ARL13B: variants seen among roughly 807,000 people sequenced by gnomAD.
ARL13B encodes the protein ARF like GTPase 13B.
A neutral mutation model predicts 56.1 loss-of-function variants in ARL13B; 36 were observed. That is an observed-to-expected ratio of 0.64 (90% confidence interval 0.49 to 0.85). The LOEUF is 0.85. Ranked by LOEUF, ARL13B falls within the 40% of genes least tolerant of loss-of-function variation. ARL13B has a pLI of 0.00. For missense variants in ARL13B, 519 were observed against 507.1 expected, an observed-to-expected ratio of 1.02 and a Z score of -0.23; for synonymous variants, 178 against 171.1, an observed-to-expected ratio of 1.04 and a Z score of -0.32.
chr3:94,029,330 A>ATATT (rs2076623714), intron 3 of ARL13B, among the ~76,000 whole-genome samples: 2 of 71,222 alleles, frequency 2.8e-5, no homozygotes, highest in Non-Finnish European at 5.4e-5. Context: ...ATATATATAT[A>ATATT]TATATTTATT....
At chr3:93,992,345 G>C (rs766186851) in intron 1 of ARL13B, among the ~76,000 whole-genome samples, 2 of 152,044 alleles carry the variant, frequency 1.3e-5, no homozygotes, top group Admixed American at 6.6e-5. Flanking sequence ...AGGAACTGCC[G>C]ACTCAGTTGA....
chr3:94,016,304 A>T (rs1206942019), intron 3 of ARL13B, among the ~76,000 whole-genome samples: 1 of 152,072 alleles, frequency 6.6e-6, no homozygotes, highest in Non-Finnish European at 1.5e-5. Flanking sequence ...CAGAAAAAAA[A>T]GGTCTCTGAA....
chr3:93,981,411 G>T (rs1693424589), intron 1 of ARL13B, among the ~76,000 whole-genome samples: 1 of 151,872 alleles, frequency 6.6e-6, no homozygotes, highest in Non-Finnish European at 1.5e-5. Context: ...TATTTGCCAT[G>T]AGAATGAACT....
At chr3:93,994,847 A>G (rs1189099848) in intron 1 of ARL13B, among the ~76,000 whole-genome samples, 1 of 151,842 alleles carries the variant, frequency 6.6e-6, no homozygotes, top group Non-Finnish European at 1.5e-5. Flanking sequence ...TAAATCCAAG[A>G]GAGCAAAGCC....
In ARL13B at chr3:94,055,062, T is replaced by C; in HGVS notation, c.*1799T>C. On this transcript the variant is annotated 3_prime_UTR_variant, in exon 10 of 10. Transcript: ENST00000394222. The stretch of plus-strand genomic sequence containing the variant: ...AGCTACTGGCTTCATTTAATAAAAA[T>C]AAATGATTTTGAAATTAAATATAAT... 1 of 358,706 alleles carries C rather than the reference T, an allele frequency of 2.8e-6. No individual in the cohort carries two copies. Among genetic ancestry groups the C allele is most frequent in the Non-Finnish European group, 5.4e-6 (1 of 186,816 alleles). 22.2% of individuals were successfully genotyped at this position (358,706 alleles called of 1,614,324 possible).
At chr3:94,013,848 A>G (rs997291694) in intron 3 of ARL13B, among the ~76,000 whole-genome samples, 2 of 152,174 alleles carry the variant, frequency 1.3e-5, no homozygotes, top group Admixed American at 6.5e-5. Context: ...TCAGGAGGCT[A>G]AGGCACAAGA....
At chr3:93,997,848 G>T (rs1310523590) in intron 2 of ARL13B, among the ~76,000 whole-genome samples, 1 of 152,154 alleles carries the variant, frequency 6.6e-6, no homozygotes, top group Non-Finnish European at 1.5e-5. Context: ...TTAGCTAGGT[G>T]TGGTGGCACA....
At chr3:94,032,791 C>T (rs929825967) in intron 3 of ARL13B, among the ~76,000 whole-genome samples, 6 of 152,066 alleles carry the variant, frequency 3.9e-5, no homozygotes, top group Non-Finnish European at 8.8e-5. Flanking sequence ...CCACCGTGCC[C>T]GGCCAGTATG....
At chr3:94,029,180 T>G (rs1159228369) in intron 3 of ARL13B, among the ~76,000 whole-genome samples, 1 of 150,322 alleles carries the variant, frequency 6.7e-6, no homozygotes, top group Non-Finnish European at 1.5e-5. Context: ...GAGGGAAATG[T>G]TTATAGGAAG....
At chr3:93,995,480 A>C (rs2075951101) in intron 1 of ARL13B, among the ~76,000 whole-genome samples, 1 of 152,178 alleles carries the variant, frequency 6.6e-6, no homozygotes, top group African/African-American at 2.4e-5. Flanking sequence ...ACAGTTATGT[A>C]CTTTCATAAG....
intron 1 of ARL13B, among the ~76,000 whole-genome samples, chr3:93,984,158 C>T (rs1710343354): frequency 6.6e-6 from 1 of 152,146 alleles, no homozygotes; most frequent in African/African-American, 2.4e-5. Flanking sequence ...AAGTTCAAGA[C>T]CAGCCTGGCC....
At chr3:94,022,387 A>G (rs1226582895) in intron 3 of ARL13B, among the ~76,000 whole-genome samples, 1 of 152,012 alleles carries the variant, frequency 6.6e-6, no homozygotes, top group Non-Finnish European at 1.5e-5. Context: ...CAGCCTCCCA[A>G]AGTGCTGGGA....
intron 2 of ARL13B, among the ~76,000 whole-genome samples, chr3:93,999,717 C>T (rs1262348602): frequency 1.3e-5 from 2 of 152,150 alleles, no homozygotes; most frequent in African/African-American, 4.8e-5. Flanking sequence ...ACACCCCTTC[C>T]TGGAACTTTA....
chr3:94,009,081 A>C (rs1020941043), intron 3 of ARL13B, among the ~76,000 whole-genome samples: 1 of 127,832 alleles, frequency 7.8e-6, no homozygotes, highest in African/African-American at 2.6e-5. Flanking sequence ...GTAAAGATAG[A>C]TAGATAGATA....
Position 93,980,407 on chromosome 3 carries a change from G to A in ARL13B, c.-17G>A. On this transcript the variant is annotated 5_prime_UTR_variant, in exon 1 of 10. Transcript: ENST00000394222. ...GCTCCGGGCTCGGATGGGAAGTGGTGGGAGGAGCGACCCGGGATGTTCAGT... is the reference window on the plus strand; with the variant it reads ...GCTCCGGGCTCGGATGGGAAGTGGTAGGAGGAGCGACCCGGGATGTTCAGT... The A allele has an allele frequency of 6.2e-7, 1 of 1,611,622 alleles. No individual in the cohort carries two copies. The highest frequency in any genetic ancestry group is 8.5e-7 in the Non-Finnish European group (1 of 1,179,978).
intron 3 of ARL13B, among the ~76,000 whole-genome samples, chr3:94,010,946 A>G (rs1434140245): frequency 6.6e-6 from 1 of 152,096 alleles, no homozygotes; most frequent in Non-Finnish European, 1.5e-5. Context: ...TAGAAGGAAC[A>G]ACAGAGAGAC....
intron 3 of ARL13B, among the ~76,000 whole-genome samples, chr3:94,022,029 G>T (rs1453099534): frequency 6.6e-6 from 1 of 152,080 alleles, no homozygotes; most frequent in Non-Finnish European, 1.5e-5. Flanking sequence ...CAGTCATAAA[G>T]GCAGTCATTT....
At chr3:93,984,899 A>C (rs1710373989) in intron 1 of ARL13B, among the ~76,000 whole-genome samples, 1 of 152,018 alleles carries the variant, frequency 6.6e-6, no homozygotes, top group Non-Finnish European at 1.5e-5. Context: ...AGTCCGAGCT[A>C]CTTGGGGGGC....
intron 5 of ARL13B, 52 bp downstream of exon 5, chr3:94,036,806 C>G: frequency 6.5e-7 from 1 of 1,536,336 alleles, no homozygotes. Context: ...AAAAACATAA[C>G]AATTTTATGA....
Sources: gnomAD v4.1 joint callset for allele counts (sites outside exome capture counted in the v4.1 genomes callset) on GRCh38, gnomAD v4.1.1 for gene constraint, MANE v1.5 for transcripts, NCBI Gene and HGNC (gene_info 2026-07-23, HGNC 2026-07-21) for gene names.